Variants in TSPYL5 observed in about 807,000 individuals in gnomAD.
The protein encoded by TSPYL5 is testis-specific Y-encoded-like protein 5.
For missense variants in TSPYL5, 556 were observed against 555.5 expected (o/e 1.00, Z -0.01); for synonymous variants, 276 against 236.1 (o/e 1.17, Z -1.55).
In TSPYL5 at chr8:97,277,636, A is replaced by T. The variant is rs1252052469; in HGVS notation, c.209T>A (p.Leu70His). 2.8e-6 allele frequency: 4 copies of T among 1,452,946 alleles called. No homozygotes were observed. In the East Asian group the frequency reaches 8.7e-5, roughly 32 times the overall value. The allele number at this position is 1,452,946 out of a possible 1,614,324, so 90.0% of individuals were successfully genotyped here. Reference protein sequence around the residue: ...GGLEAAASAQLLRLGEEAACR... With the variant: ...GGLEAAASAQHLRLGEEAACR... Reference sequence around the variant, plus strand: ...GGCGGCCTCCTCCCCGAGCCGGAGGAGCTGCGCGGACGCAGCGGCTTCCAG... The same window carrying T: ...GGCGGCCTCCTCCCCGAGCCGGAGGTGCTGCGCGGACGCAGCGGCTTCCAG... The change falls in exon 1 of 1, where the codon CTC becomes CAC. Residue 70 changes from leucine to histidine, a missense_variant. Physicochemically the swap from Leu to His is moderately conservative, Grantham distance 99 (BLOSUM62 -3). Coordinates refer to ENST00000322128, the MANE Select transcript of TSPYL5 (RefSeq NM_033512.3). This position sits in a 1 kb window ranked among gnomAD's most constrained non-coding sequence, Gnocchi z 4.5.
rs1810486590 is a variant in TSPYL5 at position 97,274,804 on chromosome 8, G to C, written c.*1787C>G. The C allele has an allele frequency of 6.6e-6, 1 of 152,190 alleles. No homozygotes were observed. Among genetic ancestry groups the C allele is most frequent in the Non-Finnish European group, 1.5e-5 (1 of 68,070 alleles). The allele number at this position is 152,190 out of a possible 1,614,324, so 9.4% of individuals were successfully genotyped here. ...TACCCACCCTCAGGGATAAGAGAGG[G>C]AAAGGCCCAGCTCTGCTTTTACACC... On this transcript the variant is annotated 3_prime_UTR_variant, in exon 1 of 1. Coordinates refer to ENST00000322128, the MANE Select transcript of TSPYL5 (RefSeq NM_033512.3).
In TSPYL5 at chr8:97,276,471, G is replaced by GT; in HGVS notation, c.*119dup. ...ACATGATCATAAATGCCATATTCTT[G>GT]TAACTAAAGTCCAAAGGGTCTATAG... is the stretch of plus-strand genomic sequence containing the variant. On this transcript the variant is annotated 3_prime_UTR_variant, in exon 1 of 1. Transcript: ENST00000322128. 1 of 1,256,558 alleles carries GT rather than the reference G, an allele frequency of 8.0e-7. No individual in the cohort carries two copies. Among genetic ancestry groups the GT allele is most frequent in the East Asian group, 2.3e-5 (1 of 42,872 alleles). The allele number at this position is 1,256,558 out of a possible 1,614,324, so 77.8% of individuals were successfully genotyped here.
In TSPYL5 at chr8:97,277,436, G is replaced by A; in HGVS notation, c.409C>T (p.Arg137Cys). Residue 137 changes from arginine (R) to cysteine (C), a missense_variant, in exon 1 of 1, where the codon CGC (arginine) becomes TGC (cysteine). Arg to Cys is a radical substitution (Grantham distance 180). Transcript: ENST00000322128. The surrounding 1 kb of genome is among the most constrained non-coding windows in gnomAD (Gnocchi z 4.5). ...GCAGGGCCACGCCGGTTTCCAACGCGGGGGGCATTTTTCGGCCTTCCCACG... is the reference window on the plus strand; with the variant it reads ...GCAGGGCCACGCCGGTTTCCAACGCAGGGGGCATTTTTCGGCCTTCCCACG... ...GTVGRPKNAP[R>C]VGNRRGPAGK... is the part of the protein sequence containing the mutation. 1 of 1,546,564 alleles carries A rather than the reference G, an allele frequency of 6.5e-7. No homozygotes were observed. The highest frequency in any genetic ancestry group is 8.7e-7 in the Non-Finnish European group (1 of 1,151,134).
At position 97,275,140 on chromosome 8, in the gene TSPYL5, C is replaced by T. The variant is rs192538206; in HGVS notation, c.*1451G>A. 6.6e-6 allele frequency: 1 copy of T among 152,118 alleles called. No individual in the cohort carries two copies. The highest frequency in any genetic ancestry group is 2.4e-5 in the African/African-American group (1 of 41,490). 9.4% of individuals were successfully genotyped at this position (152,118 alleles called of 1,614,324 possible). The stretch of plus-strand genomic sequence containing the variant: ...TTGGGGTTTATAACTCAAGCAGATG[C>T]TAGGCATGAAAAGGATTTTCAACTT... On this transcript the variant is annotated 3_prime_UTR_variant, in exon 1 of 1. Transcript: ENST00000322128.
chr8:97,277,136 G>A lies in TSPYL5; in HGVS notation c.709C>T (p.His237Tyr). The change falls in exon 1 of 1, where the codon CAC (histidine) becomes TAC (tyrosine). Residue 237 changes from histidine to tyrosine, a missense_variant. His to Tyr is a moderately conservative substitution (Grantham distance 83). Coordinates refer to ENST00000322128, the MANE Select transcript of TSPYL5 (RefSeq NM_033512.3). The surrounding 1 kb of genome is among the most constrained non-coding windows in gnomAD (Gnocchi z 4.5). The part of the protein sequence containing the change: ...SRKFGQLRLQ[H>Y]LERRNHLIQN... Reference sequence around the variant, plus strand: ...ATGAGGTGGTTCCTGCGCTCCAAGTGCTGCAGTCGCAACTGCCCAAACTTC... The same window carrying A: ...ATGAGGTGGTTCCTGCGCTCCAAGTACTGCAGTCGCAACTGCCCAAACTTC... 4 of 1,610,462 alleles carry A rather than the reference G, an allele frequency of 2.5e-6. No individual in the cohort carries two copies. The highest frequency in any genetic ancestry group is 2.2e-5 in the South Asian group (2 of 91,084).
In TSPYL5 at chr8:97,276,746, C is replaced by G. The variant is rs746978115; in HGVS notation, c.1099G>C (p.Glu367Gln). The G allele has an allele frequency of 6.2e-7, 1 of 1,614,180 alleles. No individual in the cohort carries two copies. Among genetic ancestry groups the G allele is most frequent in the Non-Finnish European group, 8.5e-7 (1 of 1,180,026 alleles). Residue 367 changes from glutamate (E) to glutamine (Q), a missense_variant, in exon 1 of 1, where the codon GAG becomes CAG. Transcript: ENST00000322128. ...HSSIESDKIVEIINEELWPNP... is the reference protein window; with the variant it reads ...HSSIESDKIVQIINEELWPNP... ...GGCCACAATTCTTCGTTGATTATCT[C>G]CACAATCTTGTCAGACTCAATGGAG...
rs1810562380 is a variant in TSPYL5 at position 97,277,899 on chromosome 8, C to A, written c.-55G>T. Reference sequence around the variant, plus strand: ...GCTGTGACCCTGCGGCTCCTGACGCCAGCTCTCGGTCGGGACCGAGCGGGT... The same window carrying A: ...GCTGTGACCCTGCGGCTCCTGACGCAAGCTCTCGGTCGGGACCGAGCGGGT... On this transcript the variant is annotated 5_prime_UTR_variant, in exon 1 of 1. Coordinates refer to ENST00000322128, the MANE Select transcript of TSPYL5 (RefSeq NM_033512.3). The surrounding 1 kb of genome is among the most constrained non-coding windows in gnomAD (Gnocchi z 4.5). 1 of 1,336,776 alleles carries A rather than the reference C, an allele frequency of 7.5e-7. No homozygotes were observed. Among genetic ancestry groups the A allele is most frequent in the Non-Finnish European group, 9.6e-7 (1 of 1,045,244 alleles). The allele number at this position is 1,336,776 out of a possible 1,614,324, so 82.8% of individuals were successfully genotyped here. A position where few individuals can be genotyped will look rare whatever the true frequency, so the allele number is the denominator to read the frequency against.
Position 97,277,134 on chromosome 8 carries a change from G to GT in TSPYL5, c.710dup (p.His237GlnfsTer32). The GT allele has an allele frequency of 1.2e-6, 2 of 1,610,602 alleles. No homozygotes were observed. Among genetic ancestry groups the GT allele is most frequent in the Non-Finnish European group, 1.7e-6 (2 of 1,180,006 alleles). Reference sequence around the variant, plus strand: ...GGATGAGGTGGTTCCTGCGCTCCAAGTGCTGCAGTCGCAACTGCCCAAACT... The same window carrying GT: ...GGATGAGGTGGTTCCTGCGCTCCAAGTTGCTGCAGTCGCAACTGCCCAAACT... On this transcript the variant is annotated frameshift_variant, in exon 1 of 1. Transcript: ENST00000322128. LOFTEE classifies it low-confidence loss of function (END_TRUNC). This position sits in a 1 kb window ranked among gnomAD's most constrained non-coding sequence, Gnocchi z 4.5.
In TSPYL5 at chr8:97,277,135, T is replaced by C. The variant is rs1295090039; in HGVS notation, c.710A>G (p.His237Arg). 4 of 1,610,578 alleles carry C rather than the reference T, an allele frequency of 2.5e-6. No homozygotes were observed. The highest frequency in any genetic ancestry group is 2.2e-5 in the South Asian group (2 of 91,086). Residue 237 changes from histidine (H) to arginine (R), a missense_variant, in exon 1 of 1, where the codon CAC becomes CGC. His to Arg is a conservative substitution (Grantham distance 29). Coordinates refer to ENST00000322128, the MANE Select transcript of TSPYL5 (RefSeq NM_033512.3). The surrounding 1 kb of genome is among the most constrained non-coding windows in gnomAD (Gnocchi z 4.5). ...SRKFGQLRLQ[H>R]LERRNHLIQN... is the part of the protein sequence containing the mutation. ...GATGAGGTGGTTCCTGCGCTCCAAG[T>C]GCTGCAGTCGCAACTGCCCAAACTT...
Position 97,277,716 on chromosome 8 carries a change from A to G in TSPYL5, c.129T>C (p.Ser43=), listed in dbSNP as rs1452461475. The G allele has an allele frequency of 6.4e-6, 10 of 1,559,986 alleles. No homozygotes were observed. The African/African-American group carries it at 7.1e-5, about 11-fold the overall frequency. Residue 43 remains serine, a synonymous_variant, in exon 1 of 1, where the codon AGT becomes AGC. Transcript: ENST00000322128. The surrounding 1 kb of genome is among the most constrained non-coding windows in gnomAD (Gnocchi z 4.5). ...GTGCCGCCTGGGTGTCTTCCCCGAG[A>G]CTCTGGTACTGTGAAGGGTCCGGGT... The part of the protein sequence containing the change: ...PRDPDPSQYQ[S]LGEDTQAAQV...
Position 97,276,447 on chromosome 8 carries a change from C to A in TSPYL5, c.*144G>T. On this transcript the variant is annotated 3_prime_UTR_variant, in exon 1 of 1. Transcript: ENST00000322128. ...CAAGAGGCTATGGGAGGCAAAAGAA[C>A]ATGATCATAAATGCCATATTCTTGT... 9.2e-7 allele frequency: 1 copy of A among 1,087,774 alleles called. No individual in the cohort carries two copies. The allele number at this position is 1,087,774 out of a possible 1,614,324, so 67.4% of individuals were successfully genotyped here. A position where few individuals can be genotyped will look rare whatever the true frequency, so the allele number is the denominator to read the frequency against.
chr8:97,277,567 G>A lies in TSPYL5; in HGVS notation c.278C>T (p.Ala93Val). Residue 93 changes from alanine (A) to valine (V), a missense_variant, in exon 1 of 1, where the codon GCT becomes GTT. Physicochemically the swap from Ala to Val is moderately conservative, Grantham distance 64. Coordinates refer to ENST00000322128, the MANE Select transcript of TSPYL5 (RefSeq NM_033512.3). This position sits in a 1 kb window ranked among gnomAD's most constrained non-coding sequence, Gnocchi z 4.5. Reference protein sequence around the residue: ...LDCGLALRARAAGDHGQAAAR... With the variant: ...LDCGLALRARVAGDHGQAAAR... ...CGCGGCCTGCCCGTGGTCCCCCGCA[G>A]CTCGGGCCCGCAGCGCGAGGCCACA... The A allele has an allele frequency of 6.8e-7, 1 of 1,466,084 alleles. No homozygotes were observed. The highest frequency in any genetic ancestry group is 9.0e-7 in the Non-Finnish European group (1 of 1,111,990). The allele number at this position is 1,466,084 out of a possible 1,614,324, so 90.8% of individuals were successfully genotyped here. A position where few individuals can be genotyped will look rare whatever the true frequency, so the allele number is the denominator to read the frequency against.
Position 97,277,412 on chromosome 8 carries a change from C to A in TSPYL5, c.433G>T (p.Ala145Ser). Residue 145 changes from alanine to serine, a missense_variant, in exon 1 of 1, where the codon GCC becomes TCC. By Grantham distance (99) the Ala-to-Ser change is moderately conservative. Transcript: ENST00000322128. The surrounding 1 kb of genome is among the most constrained non-coding windows in gnomAD (Gnocchi z 4.5). ...APRVGNRRGP[A>S]GKKAPETCST... ...CAGGTTTCTGGGGCCTTCTTCCCGG[C>A]AGGGCCACGCCGGTTTCCAACGCGG... 1 of 1,571,220 alleles carries A rather than the reference C, an allele frequency of 6.4e-7. No individual in the cohort carries two copies. The highest frequency in any genetic ancestry group is 8.6e-7 in the Non-Finnish European group (1 of 1,161,320).
rs1810493250 is a variant in TSPYL5, at chr8:97,275,171, C to T, written c.*1420G>A. ...ATGAAAAGGATTTTCAACTTCAGAA[C>T]TGTAGAGCAAGCGCAGGAGACAGGT... On this transcript the variant is annotated 3_prime_UTR_variant, in exon 1 of 1. Transcript: ENST00000322128. 1 of 152,102 alleles carries T rather than the reference C, an allele frequency of 6.6e-6. No individual in the cohort carries two copies. The highest frequency in any genetic ancestry group is 1.5e-5 in the Non-Finnish European group (1 of 68,054). The allele number at this position is 152,102 out of a possible 1,614,324, so 9.4% of individuals were successfully genotyped here.
chr8:97,274,304 T>C lies in TSPYL5; in HGVS notation c.*2287A>G, dbSNP rs921976905. 6.6e-6 allele frequency: 1 copy of C among 152,148 alleles called. No homozygotes were observed. The highest frequency in any genetic ancestry group is 1.5e-5 in the Non-Finnish European group (1 of 68,038). The allele number at this position is 152,148 out of a possible 1,614,324, so 9.4% of individuals were successfully genotyped here. On this transcript the variant is annotated 3_prime_UTR_variant, in exon 1 of 1. Transcript: ENST00000322128. ...CATTAGACTAAAATGGGGAAAGTCG[T>C]AAGACTTTAAAGGCAAAATGTGCAG...
rs1244787991 is a variant in TSPYL5, at chr8:97,274,490, T to C, written c.*2101A>G. On this transcript the variant is annotated 3_prime_UTR_variant, in exon 1 of 1. Coordinates refer to ENST00000322128, the MANE Select transcript of TSPYL5 (RefSeq NM_033512.3). Reference sequence around the variant, plus strand: ...GGAACATCCTCAACTAGGCATCCTATTTGTTCATAACCCCTTCAATTCTCA... The same window carrying C: ...GGAACATCCTCAACTAGGCATCCTACTTGTTCATAACCCCTTCAATTCTCA... 6.6e-6 allele frequency: 1 copy of C among 152,168 alleles called. No homozygotes were observed. The highest frequency in any genetic ancestry group is 2.4e-5 in the African/African-American group (1 of 41,434). 9.4% of individuals were successfully genotyped at this position (152,168 alleles called of 1,614,324 possible).
Position 97,276,772 on chromosome 8 carries a change from C to G in TSPYL5, c.1073G>C (p.Ser358Thr). The G allele has an allele frequency of 6.2e-7, 1 of 1,614,210 alleles. No individual in the cohort carries two copies. The highest frequency in any genetic ancestry group is 8.5e-7 in the Non-Finnish European group (1 of 1,180,036). The part of the protein sequence containing the change: ...RSFFGWFSNH[S>T]SIESDKIVEI... ...CACAATCTTGTCAGACTCAATGGAGCTGTGGTTTGAAAACCACCCAAAGAA... is the reference window on the plus strand; with the variant it reads ...CACAATCTTGTCAGACTCAATGGAGGTGTGGTTTGAAAACCACCCAAAGAA... The change falls in exon 1 of 1, where the codon AGC (serine) becomes ACC (threonine). Residue 358 changes from serine (S) to threonine (T), a missense_variant. Transcript: ENST00000322128.
Position 97,277,449 on chromosome 8 carries a change from C to T in TSPYL5, c.396G>A (p.Pro132=). 6.5e-7 allele frequency: 1 copy of T among 1,541,554 alleles called. No homozygotes were observed. Among genetic ancestry groups the T allele is most frequent in the Non-Finnish European group, 8.7e-7 (1 of 1,148,558 alleles). Residue 132 remains proline (P), a synonymous_variant, in exon 1 of 1, where the codon CCG becomes CCA. Coordinates refer to ENST00000322128, the MANE Select transcript of TSPYL5 (RefSeq NM_033512.3). The surrounding 1 kb of genome is among the most constrained non-coding windows in gnomAD (Gnocchi z 4.5). ...FVGTAGTVGR[P]KNAPRVGNRR... ...GGTTTCCAACGCGGGGGGCATTTTT[C>T]GGCCTTCCCACGGTTCCCGCTGTTC...
Position 97,277,859 on chromosome 8 carries a change from C to T in TSPYL5, c.-15G>A, listed in dbSNP as rs1810560807. On this transcript the variant is annotated 5_prime_UTR_variant, in exon 1 of 1. Transcript: ENST00000322128. This position sits in a 1 kb window ranked among gnomAD's most constrained non-coding sequence, Gnocchi z 4.5. Reference sequence around the variant, plus strand: ...CGGCCGCTCATGGTGGCGGCGGAGGCAGCTTCAAAGACACGCTGTGACCCT... The same window carrying T: ...CGGCCGCTCATGGTGGCGGCGGAGGTAGCTTCAAAGACACGCTGTGACCCT... 1.4e-6 allele frequency: 2 copies of T among 1,424,806 alleles called. No homozygotes were observed. The highest frequency in any genetic ancestry group is 9.2e-7 in the Non-Finnish European group (1 of 1,092,366). The allele number at this position is 1,424,806 out of a possible 1,614,324, so 88.3% of individuals were successfully genotyped here. A position where few individuals can be genotyped will look rare whatever the true frequency, so the allele number is the denominator to read the frequency against.
Sources: allele counts gnomAD v4.1 joint callset, GRCh38; gene constraint gnomAD v4.1.1; non-coding constraint Gnocchi (gnomAD v3.1); transcripts MANE v1.5; gene names NCBI Gene and HGNC (gene_info 2026-07-23, HGNC 2026-07-21).